Variants in CSNK2A2IP observed in about 807,000 individuals in gnomAD.
CSNK2A2IP encodes the protein casein kinase 2 subunit alpha' interacting protein, also known as casein kinase II subunit alpha'-interacting protein.
chr3:88,426,062 A>T, the CSNK2A2IP span, among the ~76,000 whole-genome samples: 1 of 152,214 alleles, frequency 6.6e-6, no homozygotes, highest in African/African-American at 2.4e-5. Flanking sequence ...AAATATTTTC[A>T]CATAACAAAT....
At chr3:88,449,463 T>A in the CSNK2A2IP span, among the ~76,000 whole-genome samples, 1 of 152,110 alleles carries the variant, frequency 6.6e-6, no homozygotes, top group African/African-American at 2.4e-5. Context: ...AGTCCCTGTA[T>A]CTTCTTTCCT....
At chr3:88,407,035 A>T in the CSNK2A2IP span, among the ~76,000 whole-genome samples, 2 of 152,290 alleles carry the variant, frequency 1.3e-5, no homozygotes, top group East Asian at 3.9e-4. Flanking sequence ...TTCCTATCAC[A>T]CTGCTAACAG....
At chr3:88,434,229 A>T in the CSNK2A2IP span, among the ~76,000 whole-genome samples, 1 of 152,154 alleles carries the variant, frequency 6.6e-6, no homozygotes, top group African/African-American at 2.4e-5. Context: ...GCGTTTGGCT[A>T]TACAAACTAC....
the CSNK2A2IP span, among the ~76,000 whole-genome samples, chr3:88,339,538 C>G: frequency 6.6e-6 from 1 of 151,868 alleles, no homozygotes; most frequent in Non-Finnish European, 1.5e-5. Flanking sequence ...ATGTTGATTT[C>G]TTTTCTTTAA....
chr3:88,406,448 C>A, the CSNK2A2IP span, among the ~76,000 whole-genome samples: 8 of 152,234 alleles, frequency 5.3e-5, no homozygotes, highest in African/African-American at 1.7e-4. Flanking sequence ...TTTTTCATTT[C>A]GTTTTTCTCT....
chr3:88,355,559 T>C, the CSNK2A2IP span, among the ~76,000 whole-genome samples: 1 of 152,208 alleles, frequency 6.6e-6, no homozygotes, highest in East Asian at 1.9e-4. Context: ...TTCCCATTAA[T>C]ATTGCTTTCT....
the CSNK2A2IP span, among the ~76,000 whole-genome samples, chr3:88,422,464 C>T: frequency 6.6e-6 from 1 of 152,060 alleles, no homozygotes; most frequent in Non-Finnish European, 1.5e-5. Flanking sequence ...AAGATACCAC[C>T]CACAGAAAAA....
At chr3:88,439,120 C>T in the CSNK2A2IP span, among the ~76,000 whole-genome samples, 2 of 152,184 alleles carry the variant, frequency 1.3e-5, no homozygotes, top group African/African-American at 2.4e-5. Flanking sequence ...TCTGTCTCCA[C>T]CCTCTACCTT....
chr3:88,360,856 C>T, the CSNK2A2IP span, among the ~76,000 whole-genome samples: 2 of 151,382 alleles, frequency 1.3e-5, no homozygotes, highest in Admixed American at 6.6e-5. Flanking sequence ...GTAGGTTTGG[C>T]TTTGTGGTTA....
chr3:88,390,667 T>A, the CSNK2A2IP span, among the ~76,000 whole-genome samples: 1 of 152,208 alleles, frequency 6.6e-6, no homozygotes, highest in Non-Finnish European at 1.5e-5. Flanking sequence ...CTATTAGGTG[T>A]GAAGGTTGCA....
the CSNK2A2IP span, among the ~76,000 whole-genome samples, chr3:88,402,362 A>G: frequency 6.6e-6 from 1 of 152,086 alleles, no homozygotes; most frequent in Non-Finnish European, 1.5e-5. Context: ...CAATTTGGCA[A>G]TATCTACTTA....
the CSNK2A2IP span, among the ~76,000 whole-genome samples, chr3:88,426,595 G>A: frequency 1.3e-5 from 2 of 152,098 alleles, no homozygotes; most frequent in Non-Finnish European, 2.9e-5. Flanking sequence ...ATTTAATCAT[G>A]GGGGGCAATT....
At chr3:88,364,274 T>C in the CSNK2A2IP span, among the ~76,000 whole-genome samples, 2 of 152,020 alleles carry the variant, frequency 1.3e-5, no homozygotes, top group Admixed American at 6.5e-5. Flanking sequence ...ATATGTTTTG[T>C]CTGTTTTTTT....
the CSNK2A2IP span, among the ~76,000 whole-genome samples, chr3:88,448,872 G>C: frequency 6.6e-6 from 1 of 152,162 alleles, no homozygotes; most frequent in African/African-American, 2.4e-5. Flanking sequence ...CTGTGTAACT[G>C]TTATGATACT....
the CSNK2A2IP span, among the ~76,000 whole-genome samples, chr3:88,443,685 G>A: frequency 6.6e-6 from 1 of 152,162 alleles, no homozygotes; most frequent in Admixed American, 6.5e-5. Context: ...CTCAGTGGGT[G>A]TAGACTGCAG....
At chr3:88,397,572 C>T in the CSNK2A2IP span, among the ~76,000 whole-genome samples, 11 of 151,848 alleles carry the variant, frequency 7.2e-5, 1 homozygote, top group South Asian at 1.7e-3. Flanking sequence ...TAGTGTATCA[C>T]TAGAAAGATA....
the CSNK2A2IP span, among the ~76,000 whole-genome samples, chr3:88,389,196 G>T: frequency 6.6e-6 from 1 of 151,714 alleles, no homozygotes; most frequent in African/African-American, 2.4e-5. Flanking sequence ...TAAAATAGGG[G>T]GTTCAGGAAG....
chr3:88,384,615 A>G, the CSNK2A2IP span, among the ~76,000 whole-genome samples: 3 of 152,156 alleles, frequency 2.0e-5, no homozygotes, highest in African/African-American at 7.2e-5. Flanking sequence ...GACTCCTGAA[A>G]CCACTTCATA....
At chr3:88,449,750 A>T in the CSNK2A2IP span, among the ~76,000 whole-genome samples, 3 of 103,356 alleles carry the variant, frequency 2.9e-5, no homozygotes, top group Non-Finnish European at 7.0e-5. Context: ...TTCCAAATAT[A>T]CCTTTTTTCT....
Sources: gnomAD v4.1 joint callset for allele counts (sites outside exome capture counted in the v4.1 genomes callset) on GRCh38, gnomAD v4.1.1 for gene constraint, MANE v1.5 for transcripts, NCBI Gene and HGNC (gene_info 2026-07-23, HGNC 2026-07-21) for gene names.